FAM222B: variants seen among roughly 807,000 people sequenced by gnomAD.
The protein encoded by FAM222B is protein FAM222B.
In FAM222B, 12 loss-of-function variants were observed where a neutral mutation model predicts 38.0. The observed-to-expected ratio is 0.32, with a 90% CI of 0.20 to 0.51. FAM222B has a LOEUF of 0.51. Among genes scored for constraint, FAM222B ranks in the 20% least tolerant of loss-of-function variants. The pLI is 0.97. For missense variants in FAM222B, 716 were observed against 754.2 expected (o/e 0.95, Z 0.59); for synonymous variants, 329 against 317.2 (o/e 1.04, Z -0.40).
chr17:28,830,502 C>A (rs769668768), intron 1 of FAM222B, among the ~76,000 whole-genome samples: 11 of 152,138 alleles, frequency 7.2e-5, no homozygotes, highest in Middle Eastern at 3.4e-3. Flanking sequence ...ACATAATTGG[C>A]GAACATTTCT....
intron 2 of FAM222B, 112 bp downstream of exon 2, chr17:28,766,474 G>T: frequency 1.8e-5 from 13 of 713,120 alleles, no homozygotes; most frequent in Non-Finnish European, 2.9e-5. Context: ...AAAAAAAAAA[G>T]AAAGGTGTCA....
chr17:28,801,372 G>A (rs1309231643), intron 1 of FAM222B, among the ~76,000 whole-genome samples: 1 of 147,976 alleles, frequency 6.8e-6, no homozygotes, highest in Admixed American at 6.8e-5. Context: ...AGAATGGTGT[G>A]AACCCCGGGG....
At chr17:28,840,164 C>T (rs1032003664) in intron 1 of FAM222B, among the ~76,000 whole-genome samples, 1 of 151,550 alleles carries the variant, frequency 6.6e-6, no homozygotes, top group Non-Finnish European at 1.5e-5. Flanking sequence ...TCACCTGGTT[C>T]GAAACCAGCC....
chr17:28,770,548 A>G (rs1285348385), intron 1 of FAM222B, among the ~76,000 whole-genome samples: 1 of 149,520 alleles, frequency 6.7e-6, no homozygotes, highest in African/African-American at 2.5e-5. Context: ...GATTACAGGT[A>G]TGCACCACCA....
chr17:28,763,418 A>G (rs981589292), intron 2 of FAM222B, among the ~76,000 whole-genome samples: 17 of 152,276 alleles, frequency 1.1e-4, no homozygotes, highest in African/African-American at 3.6e-4. Flanking sequence ...CAACTGCAGG[A>G]CAACCTGGCC....
At position 28,836,240 on chromosome 17, in the gene FAM222B, G is replaced by A. The variant is rs574639579; in HGVS notation, c.-41+6442C>T. Among the ~76,000 whole-genome samples, 138 of 151,820 alleles carry A rather than the reference G, an allele frequency of 9.1e-4. 1 individual carries two copies. Among genetic ancestry groups the A allele is most frequent in the African/African-American group, 3.2e-3 (131 of 41,444 alleles). On this transcript the variant is annotated intron_variant, in intron 1 of 2. Transcript: ENST00000581407. Reference sequence around the variant, plus strand: ...CCTGACCTTGTGATCCACCCGCCTCGGCCTCCCAAAGTGCTGGGATTACAG... The same window carrying A: ...CCTGACCTTGTGATCCACCCGCCTCAGCCTCCCAAAGTGCTGGGATTACAG...
In FAM222B at chr17:28,803,287, C is replaced by A. The variant is rs533425925; in HGVS notation, c.-40-36580G>T. 3.3e-5 allele frequency among the ~76,000 whole-genome samples: 5 copies of A among 152,172 alleles called. No homozygotes were observed. The East Asian group carries it at 5.8e-4, about 18-fold the overall frequency. ...CCTCCCAAAGTGTGGAGATTACAGG[C>A]ATGAGCCACCGTACCCAGGTTCTTC... On this transcript the variant is annotated intron_variant, in intron 1 of 2. Coordinates refer to ENST00000581407, the MANE Select transcript of FAM222B (RefSeq NM_001077498.3).
intron 1 of FAM222B, among the ~76,000 whole-genome samples, chr17:28,777,481 G>A (rs956341169): frequency 6.6e-6 from 1 of 152,118 alleles, no homozygotes; most frequent in Non-Finnish European, 1.5e-5. Context: ...TCAGGTACCA[G>A]GGAAGTATTC....
At chr17:28,795,917 G>C (rs2036919970) in intron 1 of FAM222B, among the ~76,000 whole-genome samples, 1 of 152,154 alleles carries the variant, frequency 6.6e-6, no homozygotes, top group Non-Finnish European at 1.5e-5. Flanking sequence ...TCAAGGGTAT[G>C]ATCTCAGAAT....
rs1230521244 is a variant in FAM222B, at chr17:28,758,002, G to T, written c.*268C>A. 1.1e-5 allele frequency: 4 copies of T among 359,968 alleles called. No homozygotes were observed. The highest frequency in any genetic ancestry group is 2.0e-5 in the Non-Finnish European group (4 of 199,142). 22.3% of individuals were successfully genotyped at this position (359,968 alleles called of 1,614,324 possible). On this transcript the variant is annotated 3_prime_UTR_variant, in exon 3 of 3. Transcript: ENST00000581407. ...GATGGGTGGGAGCTGGCTGGAAATG[G>T]CCAAGGTGGAGAGACTAGCTGACAG... is the stretch of plus-strand genomic sequence containing the variant.
At chr17:28,804,176 G>C (rs2037368229) in intron 1 of FAM222B, among the ~76,000 whole-genome samples, 1 of 151,990 alleles carries the variant, frequency 6.6e-6, no homozygotes, top group South Asian at 2.1e-4. Flanking sequence ...TAGTTCTTAG[G>C]CCTTTGGTCT....
At chr17:28,817,111 T>TA (rs928004535) in intron 1 of FAM222B, among the ~76,000 whole-genome samples, 72 of 147,206 alleles carry the variant, frequency 4.9e-4, no homozygotes, top group South Asian at 3.6e-3. Context: ...ACATGACTGT[T>TA]AAAAAAAAAA....
chr17:28,834,821 A>G (rs972985111), intron 1 of FAM222B: 1 of 149,746 alleles, frequency 6.7e-6, no homozygotes, highest in African/African-American at 2.5e-5. Flanking sequence ...GGCTAGCCTT[A>G]AAAAAAAAGA....
At chr17:28,833,009 TA>T (rs779596504) in intron 1 of FAM222B, among the ~76,000 whole-genome samples, 1,228 of 90,770 alleles carry the variant, frequency 0.014, 9 homozygotes, top group African/African-American at 0.028. Context: ...CTGTCTCTAT[TA>T]AAAAAAAAAA....
intron 1 of FAM222B, among the ~76,000 whole-genome samples, chr17:28,821,888 G>A (rs2038231621): frequency 6.6e-6 from 1 of 151,986 alleles, no homozygotes; most frequent in Non-Finnish European, 1.5e-5. Context: ...CTTCAACCTG[G>A]GGCTGGGCAG....
chr17:28,819,513 T>C (rs140696983), intron 1 of FAM222B, among the ~76,000 whole-genome samples: 8 of 152,260 alleles, frequency 5.3e-5, no homozygotes, highest in African/African-American at 1.2e-4. Flanking sequence ...CCAGAGAAAC[T>C]TGGGCTATTT....
At chr17:28,854,283 A>AGAGGGCTC (rs1033282537) in intron 1 of FAM222B, among the ~76,000 whole-genome samples, 1 of 152,196 alleles carries the variant, frequency 6.6e-6, no homozygotes, top group African/African-American at 2.4e-5. Flanking sequence ...CAAAGGATGA[A>AGAGGGCTC]GAGGGCTCAA....
At chr17:28,845,378 G>GC (rs2039138198), upstream of FAM222B, among the ~76,000 whole-genome samples, 1 of 149,518 alleles carries the variant, frequency 6.7e-6, no homozygotes. Context: ...TCCAGCCTGG[G>GC]GACAGAGCGA....
chr17:28,792,155 CA>C (rs1304102898), intron 1 of FAM222B, among the ~76,000 whole-genome samples: 3 of 151,192 alleles, frequency 2.0e-5, no homozygotes, highest in Middle Eastern at 6.8e-3. Flanking sequence ...ACTAAAAATA[CA>C]AAAAAATTAG....
Sources: allele counts gnomAD v4.1 joint callset (sites outside exome capture counted in the v4.1 genomes callset), GRCh38; gene constraint gnomAD v4.1.1; transcripts MANE v1.5; gene names NCBI Gene and HGNC (gene_info 2026-07-23, HGNC 2026-07-21).